DHX33: variants seen among roughly 807,000 people sequenced by gnomAD.
The protein encoded by DHX33 is DEAH-box helicase 33.
A neutral mutation model predicts 72.5 loss-of-function variants in DHX33; 42 were observed. The ratio of observed to expected loss-of-function variants is 0.58; its 90% CI spans 0.45 to 0.75. DHX33 has a LOEUF of 0.75. DHX33 is among the 30% of genes least tolerant of loss of function. The pLI is 0.00. For missense variants in DHX33, 842 were observed against 917.5 expected, an observed-to-expected ratio of 0.92 and a Z score of 1.06; for synonymous variants, 358 against 366.1, an observed-to-expected ratio of 0.98 and a Z score of 0.25.
At chr17:5,448,944 A>G (rs750734918) in intron 10 of DHX33, 49 bp from the exon 11 acceptor site, 1 of 1,463,546 alleles carries the variant, frequency 6.8e-7, no homozygotes, top group South Asian at 1.2e-5. Flanking sequence ...CACCATTTAT[A>G]TGTTCACAGA....
At chr17:5,448,947 T>A (rs1257656310) in intron 10 of DHX33, 52 bp from the exon 11 acceptor site, 1 of 1,453,158 alleles carries the variant, frequency 6.9e-7, no homozygotes, top group Non-Finnish European at 9.6e-7. Context: ...CATTTATATG[T>A]TCACAGAGAC....
chr17:5,445,261 T>A (rs925065639), intron 11 of DHX33, among the ~76,000 whole-genome samples: 2 of 152,108 alleles, frequency 1.3e-5, no homozygotes, highest in Non-Finnish European at 1.5e-5. Context: ...GTATTTTTAG[T>A]AGAAACGGGG....
chr17:5,468,224 C>A (rs1355880316), intron 1 of DHX33, among the ~76,000 whole-genome samples: 2 of 152,214 alleles, frequency 1.3e-5, no homozygotes, highest in African/African-American at 4.8e-5. Flanking sequence ...GCTTTCCCCC[C>A]TGCCTAGAAT....
At chr17:5,468,051 T>C (rs1404398902) in intron 1 of DHX33, among the ~76,000 whole-genome samples, 1 of 152,184 alleles carries the variant, frequency 6.6e-6, no homozygotes, top group African/African-American at 2.4e-5. Context: ...TTCCTCTCTT[T>C]GGCTGCTCAT....
intron 8 of DHX33, among the ~76,000 whole-genome samples, chr17:5,452,052 CAA>C (rs1916940986): frequency 8.3e-6 from 1 of 120,334 alleles, no homozygotes; most frequent in African/African-American, 3.2e-5. Context: ...GTGGGTACCC[CAA>C]AAGAGTGGAA....
At position 5,443,213 on chromosome 17, in the gene DHX33, T is replaced by G. The variant is rs1916498820; in HGVS notation, c.*992A>C. ...AAGCCAATGTTCTCTGGGTTCTAGG[T>G]ACCCCTCTCCCCTCCCCCACCCCCA... is the stretch of plus-strand genomic sequence containing the variant. On this transcript the variant is annotated 3_prime_UTR_variant, in exon 12 of 12. Coordinates refer to ENST00000225296, the MANE Select transcript of DHX33 (RefSeq NM_020162.4). 7.0e-6 allele frequency: 1 copy of G among 142,530 alleles called. No individual in the cohort carries two copies. Among genetic ancestry groups the G allele is most frequent in the South Asian group, 2.3e-4 (1 of 4,332 alleles). 8.8% of individuals were successfully genotyped at this position (142,530 alleles called of 1,614,324 possible). A position where few individuals can be genotyped will look rare whatever the true frequency, so the allele number is the denominator to read the frequency against.
At position 5,461,077 on chromosome 17, in the gene DHX33, G is replaced by A. The variant is rs1286895871; in HGVS notation, c.711C>T (p.Asp237=). 2 of 1,612,090 alleles carry A rather than the reference G, an allele frequency of 1.2e-6. No homozygotes were observed. The highest frequency in any genetic ancestry group is 3.3e-5 in the Admixed American group (2 of 59,890). ...VIVMSATMDV[D]LFSQYFNGAP... ...CGCCATTGAAATACTGAGAGAACAG[G>A]TCCACATCCATCGTAGCTGACATCA... Residue 237 remains aspartate (D), a synonymous_variant, in exon 4 of 12, where the codon GAC becomes GAT. Transcript: ENST00000225296.
intron 4 of DHX33, among the ~76,000 whole-genome samples, chr17:5,460,470 A>T (rs1433827436): frequency 6.6e-6 from 1 of 151,782 alleles, no homozygotes; most frequent in African/African-American, 2.4e-5. Flanking sequence ...AAGGATAAAA[A>T]TCCAGACACA....
At chr17:5,454,738 G>A (rs919889739) in intron 6 of DHX33, among the ~76,000 whole-genome samples, 2 of 152,224 alleles carry the variant, frequency 1.3e-5, no homozygotes, top group Non-Finnish European at 2.9e-5. Context: ...CTTCTTAGGA[G>A]AAGCCAGTGC....
rs918568722 is a variant in DHX33, at chr17:5,441,536, T to C, written c.*2669A>G. 1.3e-5 allele frequency: 2 copies of C among 152,198 alleles called. No homozygotes were observed. Among genetic ancestry groups the C allele is most frequent in the Non-Finnish European group, 2.9e-5 (2 of 68,026 alleles). 9.4% of individuals were successfully genotyped at this position (152,198 alleles called of 1,614,324 possible). ...AGTAGCTGAAGATTATATTGCAATGTTATTGTGAAACATTTAACTTTCTTA... is the reference window on the plus strand; with the variant it reads ...AGTAGCTGAAGATTATATTGCAATGCTATTGTGAAACATTTAACTTTCTTA... On this transcript the variant is annotated 3_prime_UTR_variant, in exon 12 of 12. Coordinates refer to ENST00000225296, the MANE Select transcript of DHX33 (RefSeq NM_020162.4).
chr17:5,467,541 CAAAT>C (rs1219335971), intron 1 of DHX33, among the ~76,000 whole-genome samples: 2 of 152,186 alleles, frequency 1.3e-5, no homozygotes, highest in Non-Finnish European at 2.9e-5. Context: ...CCATAAACCA[CAAAT>C]AACATCTCCA....
At chr17:5,462,855 A>G (rs562748911) in intron 2 of DHX33, among the ~76,000 whole-genome samples, 1 of 152,148 alleles carries the variant, frequency 6.6e-6, no homozygotes, top group Non-Finnish European at 1.5e-5. Flanking sequence ...TGGGGCAGGC[A>G]GATCACGAGG....
Position 5,463,599 on chromosome 17 carries a change from G to A in DHX33, c.380C>T (p.Pro127Leu). The A allele has an allele frequency of 1.2e-6, 2 of 1,614,020 alleles. No individual in the cohort carries two copies. The highest frequency in any genetic ancestry group is 1.1e-5 in the South Asian group (1 of 91,074). Residue 127 changes from proline (P) to leucine (L), a missense_variant, in exon 2 of 12, where the codon CCT becomes CTT. Coordinates refer to ENST00000225296, the MANE Select transcript of DHX33 (RefSeq NM_020162.4). ...SRQGIIAVTQPRRVAAISLAT... is the reference protein window; with the variant it reads ...SRQGIIAVTQLRRVAAISLAT... Reference sequence around the variant, plus strand: ...AAGAGAGATGGCAGCTACTCGACGAGGCTGGGTCACAGCAATGATGCCCTG... The same window carrying A: ...AAGAGAGATGGCAGCTACTCGACGAAGCTGGGTCACAGCAATGATGCCCTG...
chr17:5,468,873 C>A lies in DHX33; in HGVS notation c.-14G>T, dbSNP rs766687340. 28 of 1,550,062 alleles carry A rather than the reference C, an allele frequency of 1.8e-5. 1 individual carries two copies. The South Asian group carries it at 3.2e-4, about 18-fold the overall frequency. ...CTCCTCCGGCATGTCGGGAGGGCAC[C>A]GCGGCGGGAGGCGCAAGCGCCGAGA... is the stretch of plus-strand genomic sequence containing the variant. On this transcript the variant is annotated 5_prime_UTR_variant, in exon 1 of 12. Transcript: ENST00000225296.
chr17:5,457,172 GTGGCGCACGC>G (rs879655063), intron 4 of DHX33, among the ~76,000 whole-genome samples: 10 of 152,148 alleles, frequency 6.6e-5, no homozygotes, highest in Non-Finnish European at 1.5e-4. Flanking sequence ...GCCAGGCGTG[GTGGCGCACGC>G]CTGTAATCCC....
intron 2 of DHX33, 141 bp from the exon 3 acceptor site, chr17:5,462,687 A>C: frequency 1.6e-6 from 1 of 639,188 alleles, no homozygotes; most frequent in Admixed American, 2.7e-5. Context: ...CATGCAGTCT[A>C]GCTGCTGAGA....
intron 4 of DHX33, among the ~76,000 whole-genome samples, chr17:5,456,385 G>A (rs940259119): frequency 1.3e-5 from 2 of 152,212 alleles, no homozygotes; most frequent in African/African-American, 4.8e-5. Flanking sequence ...GATGGCTCAC[G>A]CCTGTAAACC....
At position 5,444,123 on chromosome 17, in the gene DHX33, C is replaced by T. The variant is rs1026914029; in HGVS notation, c.*82G>A. The T allele has an allele frequency of 1.8e-5, 27 of 1,492,840 alleles. No individual in the cohort carries two copies. Among genetic ancestry groups the T allele is most frequent in the African/African-American group, 8.4e-5 (6 of 71,564 alleles). The allele number at this position is 1,492,840 out of a possible 1,614,324, so 92.5% of individuals were successfully genotyped here. On this transcript the variant is annotated 3_prime_UTR_variant, in exon 12 of 12. Coordinates refer to ENST00000225296, the MANE Select transcript of DHX33 (RefSeq NM_020162.4). This position sits in a 1 kb window ranked among gnomAD's most constrained non-coding sequence, Gnocchi z 4.9. The stretch of plus-strand genomic sequence containing the variant: ...CAGCTGATTCCAAGGCTTCTCTAAG[C>T]GCCAACCTGGAAGCCTGCTGTAAGG...
Position 5,444,088 on chromosome 17 carries a change from C to G in DHX33, c.*117G>C. On this transcript the variant is annotated 3_prime_UTR_variant, in exon 12 of 12. Transcript: ENST00000225296. This position sits in a 1 kb window ranked among gnomAD's most constrained non-coding sequence, Gnocchi z 4.9. ...AAGATGCTTTCACGCTCCTGGAAGT[C>G]AGGCACCTTCAGCTGATTCCAAGGC... 1 of 1,225,478 alleles carries G rather than the reference C, an allele frequency of 8.2e-7. No individual in the cohort carries two copies. The highest frequency in any genetic ancestry group is 1.1e-6 in the Non-Finnish European group (1 of 893,192). 75.9% of individuals were successfully genotyped at this position (1,225,478 alleles called of 1,614,324 possible).
Sources: allele counts gnomAD v4.1 joint callset (sites outside exome capture counted in the v4.1 genomes callset), GRCh38; gene constraint gnomAD v4.1.1; non-coding constraint Gnocchi (gnomAD v3.1); transcripts MANE v1.5; gene names NCBI Gene and HGNC (gene_info 2026-07-23, HGNC 2026-07-21).